Variants in WDFY3 observed in about 807,000 individuals in gnomAD.
WDFY3 encodes the protein WD repeat and FYVE domain-containing protein 3.
A neutral mutation model predicts 409.6 loss-of-function variants in WDFY3; 66 were observed. The ratio of observed to expected loss-of-function variants is 0.16; its 90% confidence interval spans 0.13 to 0.20. WDFY3 has a LOEUF of 0.20. Ranked by LOEUF, WDFY3 falls within the 10% of genes least tolerant of loss-of-function variation. WDFY3 has a pLI of 1.00. For missense variants in WDFY3, 3,031 were observed against 4,298.1 expected (o/e 0.71, Z 8.24); for synonymous variants, 1,521 against 1,537.1 (o/e 0.99, Z 0.25).
At chr4:84,781,612 C>T (rs141685414) in intron 25 of WDFY3, among the ~76,000 whole-genome samples, 2 of 152,114 alleles carry the variant, frequency 1.3e-5, no homozygotes, top group Non-Finnish European at 2.9e-5. Context: ...GTAATTAGGG[C>T]CAGTATTACT....
At position 84,745,050 on chromosome 4, in the gene WDFY3, A is replaced by G. The variant is rs114347863; in HGVS notation, c.5974-1251T>C. Among the ~76,000 whole-genome samples the G allele has an allele frequency of 2.0e-3, 302 of 152,206 alleles. 2 individuals are homozygous for G. The highest frequency in any genetic ancestry group is 7.0e-3 in the African/African-American group (289 of 41,542). On this transcript the variant is annotated intron_variant, in intron 36 of 67. Transcript: ENST00000295888. The stretch of plus-strand genomic sequence containing the variant: ...ATGTACAAAGATGATTTTGAAAATT[A>G]TCTTATGTTAAAGTGTAGAGCACAA...
At chr4:84,859,565 TAAA>T (rs1306115130) in intron 4 of WDFY3, among the ~76,000 whole-genome samples, 1 of 152,164 alleles carries the variant, frequency 6.6e-6, no homozygotes, top group Non-Finnish European at 1.5e-5. Flanking sequence ...CTGATAAACA[TAAA>T]AAAGTTATTA....
intron 58 of WDFY3, among the ~76,000 whole-genome samples, chr4:84,693,251 G>A (rs916531484): frequency 6.6e-6 from 1 of 152,188 alleles, no homozygotes; most frequent in African/African-American, 2.4e-5. Context: ...TGATACTAAA[G>A]CATGGGCTAT....
Position 84,715,308 on chromosome 4 carries a change from C to G in WDFY3, c.7951G>C (p.Val2651Leu). Residue 2651 changes from valine to leucine, a missense_variant, in exon 50 of 68, where the codon GTC becomes CTC. Around this residue, in one of 16 missense-constraint regions of WDFY3, gnomAD observed 45 missense variants for 121.8 expected, o/e 0.37. Coordinates refer to ENST00000295888, the MANE Select transcript of WDFY3 (RefSeq NM_014991.6). ...CCGAATAAACAAGACCTTTGATAGACTTTGTTTCTGATTCCTTTCTGAAAA... is the reference window on the plus strand; with the variant it reads ...CCGAATAAACAAGACCTTTGATAGAGTTTGTTTCTGATTCCTTTCTGAAAA... The part of the protein sequence containing the change: ...LAFQKGIRNK[V>L]YQRFLAVVPS... 1 of 1,600,888 alleles carries G rather than the reference C, an allele frequency of 6.2e-7. No individual in the cohort carries two copies. Among genetic ancestry groups the G allele is most frequent in the South Asian group, 1.1e-5 (1 of 90,470 alleles).
chr4:84,869,228 C>G (rs966641198), intron 3 of WDFY3, among the ~76,000 whole-genome samples: 1 of 152,222 alleles, frequency 6.6e-6, no homozygotes, highest in Admixed American at 6.5e-5. Flanking sequence ...ATTCCAAAAT[C>G]TCACTCTGGT....
chr4:84,950,808 C>T (rs1561146474), intron 1 of WDFY3, among the ~76,000 whole-genome samples: 1 of 152,058 alleles, frequency 6.6e-6, no homozygotes, highest in Non-Finnish European at 1.5e-5. Flanking sequence ...AAAATAGTTT[C>T]AGCACACAAA....
intron 2 of WDFY3, among the ~76,000 whole-genome samples, chr4:84,914,908 G>GA (rs1350360874): frequency 6.6e-6 from 1 of 152,156 alleles, no homozygotes; most frequent in African/African-American, 2.4e-5. Flanking sequence ...TCACAATAGT[G>GA]AAAGGTGTTA....
intron 38 of WDFY3, among the ~76,000 whole-genome samples, chr4:84,741,208 A>C (rs1278336892): frequency 6.6e-6 from 1 of 152,206 alleles, no homozygotes. Context: ...TAAGGTATTT[A>C]AATCTATCTG....
chr4:84,753,161 A>G (rs1452018559), intron 35 of WDFY3, among the ~76,000 whole-genome samples: 2 of 152,200 alleles, frequency 1.3e-5, no homozygotes, highest in African/African-American at 4.8e-5. Context: ...TATCTATACT[A>G]TATGTGATTA....
At chr4:84,823,189 A>G (rs1158884271) in intron 10 of WDFY3, among the ~76,000 whole-genome samples, 6 of 152,190 alleles carry the variant, frequency 3.9e-5, no homozygotes, top group Non-Finnish European at 8.8e-5. Flanking sequence ...TGTCTCAGAT[A>G]TATGTAGTCA....
intron 1 of WDFY3, among the ~76,000 whole-genome samples, chr4:84,955,460 G>T (rs1774127138): frequency 6.6e-6 from 1 of 152,130 alleles, no homozygotes; most frequent in Non-Finnish European, 1.5e-5. Context: ...GCACAGATCT[G>T]AATTTGTATA....
rs749090228 is a variant in WDFY3, at chr4:84,821,194, T to C, written c.1481A>G (p.Tyr494Cys). 1.9e-6 allele frequency: 3 copies of C among 1,613,676 alleles called. No homozygotes were observed. Among genetic ancestry groups the C allele is most frequent in the Middle Eastern group, 1.6e-4 (1 of 6,078 alleles). ...KTLLKFTRHD[Y>C]IFKDVFREVG... is the part of the protein sequence containing the mutation. The stretch of plus-strand genomic sequence containing the variant: ...CTCCCTGAACACGTCTTTAAATATG[T>C]AGTCATGTCTTGTAAACTTAAGAAG... The change falls in exon 11 of 68, where the codon TAC becomes TGC. Residue 494 changes from tyrosine (Y) to cysteine (C), a missense_variant. Transcript: ENST00000295888.
At chr4:84,747,752 C>T (rs1354584940) in intron 36 of WDFY3, among the ~76,000 whole-genome samples, 1 of 152,106 alleles carries the variant, frequency 6.6e-6, no homozygotes, top group Non-Finnish European at 1.5e-5. Context: ...CTTCATTCTG[C>T]ACTTGTCCTT....
chr4:84,947,086 C>T (rs551352910), intron 1 of WDFY3, among the ~76,000 whole-genome samples: 59 of 151,602 alleles, frequency 3.9e-4, no homozygotes, highest in Non-Finnish European at 5.4e-4. Context: ...GGATTACAGG[C>T]GTGAGCCACC....
chr4:84,778,718 C>T (rs1745977590), intron 26 of WDFY3, 63 bp from the exon 27 acceptor site: 1 of 1,509,314 alleles, frequency 6.6e-7, no homozygotes, highest in African/African-American at 1.4e-5. Context: ...TACACACACA[C>T]AAACACACAC....
intron 51 of WDFY3, among the ~76,000 whole-genome samples, chr4:84,712,690 G>C (rs142546803): frequency 0.014 from 2,198 of 152,126 alleles, 25 homozygotes; most frequent in Admixed American, 0.024. Context: ...ACTCCAGCCT[G>C]GGTGACAGAG....
rs147357332 is a variant in WDFY3, at chr4:84,824,770, G to A, written c.1123+2045C>T. On this transcript the variant is annotated intron_variant, in intron 10 of 67. Transcript: ENST00000295888. ...TTACACCTCAATACTGCTAGAAAAT[G>A]TAAAAGACAACCTATTCCACATTCT... Among the ~76,000 whole-genome samples, 872 of 152,242 alleles carry A rather than the reference G, an allele frequency of 5.7e-3. 10 individuals are homozygous for A. Among genetic ancestry groups the A allele is most frequent in the African/African-American group, 0.02 (823 of 41,546 alleles).
chr4:84,734,094 A>G (rs1737043198), intron 43 of WDFY3, among the ~76,000 whole-genome samples: 2 of 152,220 alleles, frequency 1.3e-5, no homozygotes, highest in Non-Finnish European at 1.5e-5. Flanking sequence ...CAAAGATTTT[A>G]GATGAAGAAT....
chr4:84,872,248 C>A (rs989403016), intron 3 of WDFY3, among the ~76,000 whole-genome samples: 1 of 151,920 alleles, frequency 6.6e-6, no homozygotes, highest in South Asian at 2.1e-4. Flanking sequence ...GGGCAGATCA[C>A]GAGGTCAGGA....
Sources: gnomAD v4.1 joint callset for allele counts (sites outside exome capture counted in the v4.1 genomes callset) on GRCh38, gnomAD v4.1.1 for gene constraint, gnomAD v4.1.1 regional missense constraint, MANE v1.5 for transcripts, NCBI Gene and HGNC (gene_info 2026-07-23, HGNC 2026-07-21) for gene names.